Variants in ERICH3 observed in about 807,000 individuals in gnomAD.
ERICH3 encodes the protein glutamate-rich protein 3.
In ERICH3, 126 loss-of-function variants were observed where a neutral mutation model predicts 131.1. The ratio of observed to expected loss-of-function variants is 0.96; its 90% CI spans 0.83 to 1.11. The LOEUF (loss-of-function observed/expected upper bound fraction) is 1.11. Ranked by LOEUF, ERICH3 falls within the 50% of genes most tolerant of loss-of-function variation. The pLI, the probability that ERICH3 is intolerant of heterozygous loss-of-function variation, is 0.00. For synonymous variants in ERICH3, 695 were observed against 644.6 expected, an observed-to-expected ratio of 1.08 and a Z score of -1.18; for missense variants, 2,050 against 1,810.7, an observed-to-expected ratio of 1.13 and a Z score of -2.40.
At chr1:74,645,690 T>C (rs1646477013) in intron 3 of ERICH3, among the ~76,000 whole-genome samples, 2 of 152,122 alleles carry the variant, frequency 1.3e-5, no homozygotes, top group African/African-American at 4.8e-5. Context: ...GCTAATACTT[T>C]TATAAGCAAG....
rs768356745 is a variant in ERICH3 at position 74,641,398 on chromosome 1, A to G, written c.377T>C (p.Val126Ala). ...ATGGCCACGATTACTCTTTGGGCCA[A>G]CTGGTGGGTGGGGAGACAGGATTGG... ...NMPILSPHPP[V>A]GPKSNRGHSV... Residue 126 changes from valine (V) to alanine (A), a missense_variant, in exon 5 of 15, where the codon GTT (valine) becomes GCT (alanine). Coordinates refer to ENST00000326665, the MANE Select transcript of ERICH3 (RefSeq NM_001002912.5). The G allele has an allele frequency of 7.4e-6, 12 of 1,612,602 alleles. No homozygotes were observed. The highest frequency in any genetic ancestry group is 5.0e-5 in the Admixed American group (3 of 59,708).
chr1:74,651,535 T>G (rs1283695058), intron 1 of ERICH3, among the ~76,000 whole-genome samples: 2 of 152,124 alleles, frequency 1.3e-5, no homozygotes, highest in African/African-American at 4.8e-5. Flanking sequence ...ATTGTATACC[T>G]TACCCTTTCT....
At chr1:74,584,680 C>T (rs1424016210) in intron 12 of ERICH3, among the ~76,000 whole-genome samples, 1 of 152,148 alleles carries the variant, frequency 6.6e-6, no homozygotes, top group African/African-American at 2.4e-5. Flanking sequence ...TATTACTTAG[C>T]CCAGATACCC....
intron 11 of ERICH3, among the ~76,000 whole-genome samples, chr1:74,593,337 A>G (rs1647695058): frequency 6.6e-6 from 1 of 152,144 alleles, no homozygotes; most frequent in South Asian, 2.1e-4. Flanking sequence ...TTGAGAAAAA[A>G]TAACATATTC....
chr1:74,673,460 C>T, intron 1 of ERICH3, 37 bp downstream of exon 1: 1 of 1,609,098 alleles, frequency 6.2e-7, no homozygotes, highest in Admixed American at 1.7e-5. Context: ...GAAGCCGCCA[C>T]CTGCCACAGC....
At position 74,571,503 on chromosome 1, in the gene ERICH3, C is replaced by G; in HGVS notation, c.4207G>C (p.Val1403Leu). 1.2e-6 allele frequency: 2 copies of G among 1,614,144 alleles called. No homozygotes were observed. The highest frequency in any genetic ancestry group is 3.3e-5 in the Admixed American group (2 of 60,032). Reference protein sequence around the residue: ...LVGKTAAAGKVVVEELARSGE... With the variant: ...LVGKTAAAGKLVVEELARSGE... Reference sequence around the variant, plus strand: ...CTCCGTGCTAATTCCTCTACCACCACCTTCCCTGCAGCTGCTGTTTTTCCT... The same window carrying G: ...CTCCGTGCTAATTCCTCTACCACCAGCTTCCCTGCAGCTGCTGTTTTTCCT... The change falls in exon 14 of 15, where the codon GTG becomes CTG. Residue 1403 changes from valine (V) to leucine (L), a missense_variant. Coordinates refer to ENST00000326665, the MANE Select transcript of ERICH3 (RefSeq NM_001002912.5).
chr1:74,669,639 T>C (rs965894862), intron 1 of ERICH3, among the ~76,000 whole-genome samples: 3 of 151,922 alleles, frequency 2.0e-5, no homozygotes, highest in Admixed American at 6.5e-5. Context: ...TATTTTATAG[T>C]TGACTTCTAC....
At chr1:74,585,214 T>C (rs1012182277) in intron 12 of ERICH3, among the ~76,000 whole-genome samples, 4 of 152,184 alleles carry the variant, frequency 2.6e-5, no homozygotes, top group Non-Finnish European at 5.9e-5. Context: ...GCATGACAGC[T>C]TAAGCTGAAA....
chr1:74,599,111 T>C (rs1458469438), intron 11 of ERICH3, among the ~76,000 whole-genome samples: 9 of 152,120 alleles, frequency 5.9e-5, no homozygotes, highest in East Asian at 1.9e-4. Context: ...TGTAAGTTTA[T>C]GTAATGGAAA....
Position 74,571,763 on chromosome 1 carries a change from C to G in ERICH3, c.3947G>C (p.Gly1316Ala), listed in dbSNP as rs1296509623. ...TEAMQDRNSE[G>A]DGDMEGEGNT... ...TCCTTCTCCTTCCATGTCCCCGTCCCCTTCCGAGTTCCTGTCCTGCATCGC... is the reference window on the plus strand; with the variant it reads ...TCCTTCTCCTTCCATGTCCCCGTCCGCTTCCGAGTTCCTGTCCTGCATCGC... Residue 1316 changes from glycine (G) to alanine (A), a missense_variant, in exon 14 of 15, where the codon GGG becomes GCG. By Grantham distance (60) the Gly-to-Ala change is moderately conservative. Transcript: ENST00000326665. 1 of 1,614,132 alleles carries G rather than the reference C, an allele frequency of 6.2e-7. No homozygotes were observed. Among genetic ancestry groups the G allele is most frequent in the East Asian group, 2.2e-5 (1 of 44,866 alleles).
chr1:74,592,620 A>G (rs1647660769), intron 11 of ERICH3, among the ~76,000 whole-genome samples: 1 of 152,138 alleles, frequency 6.6e-6, no homozygotes, highest in Non-Finnish European at 1.5e-5. Flanking sequence ...AGCAGCTTCC[A>G]TTAATTGTAT....
Position 74,571,395 on chromosome 1 carries a change from G to A in ERICH3, c.4315C>T (p.Arg1439Trp), listed in dbSNP as rs1477525191. Residue 1439 changes from arginine (R) to tryptophan (W), a missense_variant, in exon 14 of 15, where the codon CGG becomes TGG. Transcript: ENST00000326665. ...TCCTGTCCTAGCCCTGAGGTCTTCC[G>A]CTCCAGGGCTCCTGGAGTGCCCACC... ...AGVGTPGALE[R>W]KTSGLGQEQE... 6.2e-7 allele frequency: 1 copy of A among 1,613,558 alleles called. No homozygotes were observed. Among genetic ancestry groups the A allele is most frequent in the African/African-American group, 1.3e-5 (1 of 74,778 alleles).
intron 1 of ERICH3, among the ~76,000 whole-genome samples, chr1:74,652,867 C>G (rs1646549735): frequency 6.6e-6 from 1 of 152,158 alleles, no homozygotes; most frequent in African/African-American, 2.4e-5. Context: ...TACCCATCCC[C>G]TGGTCACTAG....
intron 5 of ERICH3, among the ~76,000 whole-genome samples, chr1:74,637,895 A>G (rs1401750165): frequency 6.6e-6 from 1 of 151,296 alleles, no homozygotes; most frequent in African/African-American, 2.4e-5. Flanking sequence ...TGGGCCACAG[A>G]GTGGGATGCT....
chr1:74,622,330 A>T (rs952202850), intron 7 of ERICH3: 2 of 152,226 alleles, frequency 1.3e-5, no homozygotes, highest in African/African-American at 4.8e-5. Context: ...TAATCAAGAG[A>T]CATATTACAG....
At position 74,571,860 on chromosome 1, in the gene ERICH3, T is replaced by C. The variant is rs1323323595; in HGVS notation, c.3850A>G (p.Lys1284Glu). 1.2e-6 allele frequency: 2 copies of C among 1,612,006 alleles called. No homozygotes were observed. Among genetic ancestry groups the C allele is most frequent in the Middle Eastern group, 1.6e-4 (1 of 6,084 alleles). ...VAEEDPIMAE[K>E]FREEAVDEDP... ...TCATCCACCGCTTCCTCCCTGAACT[T>C]TTCTGCCATTATGGGATCTTCCTCA... The change falls in exon 14 of 15, where the codon AAG becomes GAG. Residue 1284 changes from lysine to glutamate, a missense_variant. By Grantham distance (56) the Lys-to-Glu change is moderately conservative. Transcript: ENST00000326665.
intron 1 of ERICH3, among the ~76,000 whole-genome samples, chr1:74,665,521 G>A (rs1002590091): frequency 7.9e-5 from 12 of 152,174 alleles, no homozygotes; most frequent in African/African-American, 2.9e-4. Flanking sequence ...GTTTGGTAGG[G>A]CTGCGATAAC....
rs549103940 is a variant in ERICH3, at chr1:74,608,719, C to T, written c.1188-1817G>A. On this transcript the variant is annotated intron_variant, in intron 9 of 14. Transcript: ENST00000326665. ...GATAATGAGATTATACTTATCTCAC[C>T]CATATTAAGCATGATAAATATTTCT... Among the ~76,000 whole-genome samples the T allele has an allele frequency of 7.2e-5, 11 of 152,100 alleles. No individual in the cohort carries two copies. In the South Asian group the frequency reaches 2.3e-3, roughly 32 times the overall value.
At chr1:74,617,333 A>G (rs1649015874) in intron 8 of ERICH3, among the ~76,000 whole-genome samples, 1 of 152,200 alleles carries the variant, frequency 6.6e-6, no homozygotes, top group Non-Finnish European at 1.5e-5. Flanking sequence ...TATGACATAT[A>G]CCTAGAAATA....
Sources: gnomAD v4.1 joint callset for allele counts (sites outside exome capture counted in the v4.1 genomes callset) on GRCh38, gnomAD v4.1.1 for gene constraint, MANE v1.5 for transcripts, NCBI Gene and HGNC (gene_info 2026-07-23, HGNC 2026-07-21) for gene names.